The following SAMD12 variants were observed in gnomAD, a reference collection of about 807,000 sequenced individuals.
SAMD12 encodes sterile alpha motif domain-containing protein 12.
SAMD12 carries 9 observed loss-of-function variants against 15.0 expected under a neutral mutation model. The ratio of observed to expected loss-of-function variants is 0.60; its 90% CI spans 0.36 to 1.05. The LOEUF is 1.05. Among genes scored for constraint, SAMD12 ranks in the 50% least tolerant of loss-of-function variants. The pLI, the probability that SAMD12 is intolerant of heterozygous loss-of-function variation, is 0.01. For synonymous variants in SAMD12, 86 were observed against 90.1 expected (o/e 0.96, Z 0.25); for missense variants, 230 against 234.2 (o/e 0.98, Z 0.12).
intron 2 of SAMD12, among the ~76,000 whole-genome samples, chr8:118,507,991 C>CTTTTTTTT (rs11384671): frequency 2.2e-4 from 24 of 108,812 alleles, no homozygotes; most frequent in Non-Finnish European, 3.6e-4. Flanking sequence ...GTATAATCTC[C>CTTTTTTTT]TTTTTTTTTT....
intron 4 of SAMD12, among the ~76,000 whole-genome samples, chr8:118,337,046 A>G (rs2514941): frequency 0.43 from 64,810 of 151,908 alleles, 14,873 homozygotes; most frequent in East Asian, 0.66. Context: ...AGCATTAGGA[A>G]ATATACCTAA....
chr8:118,497,739 G>GGA (rs1824665092), intron 2 of SAMD12, among the ~76,000 whole-genome samples: 2 of 58,240 alleles, frequency 3.4e-5, no homozygotes, highest in Non-Finnish European at 6.2e-5. Flanking sequence ...GGGGTGGGGG[G>GGA]AAAGAAAAAA....
At chr8:118,158,727 A>G in the SAMD12 span, among the ~76,000 whole-genome samples, 1 of 152,138 alleles carries the variant, frequency 6.6e-6, no homozygotes, top group African/African-American at 2.4e-5. Context: ...TGGACCAATC[A>G]GCATGCACTT....
chr8:118,300,680 T>C (rs955712695), intron 4 of SAMD12, among the ~76,000 whole-genome samples: 8 of 152,314 alleles, frequency 5.3e-5, no homozygotes, highest in Admixed American at 5.2e-4. Context: ...CAATCAGTGT[T>C]CCAACAAGCC....
the SAMD12 span, among the ~76,000 whole-genome samples, chr8:118,138,216 G>A: frequency 7.4e-4 from 111 of 149,124 alleles, no homozygotes; most frequent in African/African-American, 2.6e-3. Flanking sequence ...TGAGTGACTC[G>A]AAGCGGGCTG....
chr8:118,164,882 C>G, the SAMD12 span, among the ~76,000 whole-genome samples: 51 of 151,498 alleles, frequency 3.4e-4, no homozygotes, highest in Non-Finnish European at 6.6e-4. Flanking sequence ...TATATGCATT[C>G]CACATATGCA....
At position 118,418,608 on chromosome 8, in the gene SAMD12, A is replaced by T. The variant is rs149521752; in HGVS notation, c.322+21224T>A. The stretch of plus-strand genomic sequence containing the variant: ...GTGGCGGGCGCCTGTGGTCCCAGCT[A>T]CTCGGGAGGCTGAGGCAGGAGAATG... On this transcript the variant is annotated intron_variant, in intron 3 of 3. Transcript: ENST00000314727. 6.7e-3 allele frequency among the ~76,000 whole-genome samples: 1,025 copies of T among 152,040 alleles called. 8 individuals are homozygous for T. Among genetic ancestry groups the T allele is most frequent in the South Asian group, 0.025 (122 of 4,814 alleles).
chr8:118,587,982 A>G (rs1827493913), intron 1 of SAMD12, among the ~76,000 whole-genome samples: 1 of 152,202 alleles, frequency 6.6e-6, no homozygotes, highest in African/African-American at 2.4e-5. Flanking sequence ...ATTATGACTT[A>G]GAAAGCTGAA....
At chr8:118,613,798 T>C (rs1828166012) in intron 1 of SAMD12, among the ~76,000 whole-genome samples, 1 of 152,214 alleles carries the variant, frequency 6.6e-6, no homozygotes, top group African/African-American at 2.4e-5. Flanking sequence ...TTACTTTGCA[T>C]ACATATTGTA....
At chr8:118,461,580 A>G (rs558099742) in intron 2 of SAMD12, among the ~76,000 whole-genome samples, 1 of 152,212 alleles carries the variant, frequency 6.6e-6, no homozygotes, top group African/African-American at 2.4e-5. Context: ...ACGTATGTAC[A>G]TACGTAAAAT....
chr8:118,226,524 A>T (rs1812191777), intron 4 of SAMD12, among the ~76,000 whole-genome samples: 1 of 152,200 alleles, frequency 6.6e-6, no homozygotes, highest in Non-Finnish European at 1.5e-5. Flanking sequence ...ACTTCTGTCC[A>T]TCTGACTATC....
chr8:118,207,802 A>C (rs1352032412), intron 4 of SAMD12, among the ~76,000 whole-genome samples: 1 of 152,184 alleles, frequency 6.6e-6, no homozygotes, highest in East Asian at 1.9e-4. Context: ...CTGCATTGGA[A>C]CAATGTTCTC....
intron 2 of SAMD12, among the ~76,000 whole-genome samples, chr8:118,568,251 G>A (rs1009220036): frequency 6.6e-6 from 1 of 152,140 alleles, no homozygotes; most frequent in Non-Finnish European, 1.5e-5. Flanking sequence ...GCATCCCAAG[G>A]AAAGAAGATT....
intron 4 of SAMD12, among the ~76,000 whole-genome samples, chr8:118,334,716 C>T (rs778742782): frequency 1.1e-4 from 16 of 152,148 alleles, no homozygotes; most frequent in Non-Finnish European, 2.2e-4. Context: ...CCACCTCAGC[C>T]TCCAGAATAG....
At chr8:118,589,586 T>A (rs1219301517) in intron 1 of SAMD12, among the ~76,000 whole-genome samples, 1 of 152,226 alleles carries the variant, frequency 6.6e-6, no homozygotes, top group Non-Finnish European at 1.5e-5. Context: ...AAGGCATGAA[T>A]ATTAACTCTT....
chr8:118,241,237 T>A (rs1343800908), intron 4 of SAMD12, among the ~76,000 whole-genome samples: 1 of 152,184 alleles, frequency 6.6e-6, no homozygotes, highest in Non-Finnish European at 1.5e-5. Flanking sequence ...GTTTCTGTTC[T>A]TCTTGGCCCA....
intron 2 of SAMD12, among the ~76,000 whole-genome samples, chr8:118,494,219 A>G (rs1824534332): frequency 6.6e-6 from 1 of 152,332 alleles, no homozygotes; most frequent in South Asian, 2.1e-4. Flanking sequence ...GAGACAAAGC[A>G]GTCAATTTTT....
At chr8:118,482,647 T>C (rs2130993446) in intron 2 of SAMD12, among the ~76,000 whole-genome samples, 1 of 152,264 alleles carries the variant, frequency 6.6e-6, no homozygotes, top group African/African-American at 2.4e-5. Context: ...ACTATGCAAT[T>C]TTATATGAGG....
intron 2 of SAMD12, among the ~76,000 whole-genome samples, chr8:118,481,448 G>C (rs1478228176): frequency 6.6e-6 from 1 of 152,190 alleles, no homozygotes; most frequent in Non-Finnish European, 1.5e-5. Context: ...CTGGTAGGAA[G>C]AAGGAAAAGA....
Sources: allele counts gnomAD v4.1 joint callset (sites outside exome capture counted in the v4.1 genomes callset), GRCh38; gene constraint gnomAD v4.1.1; transcripts MANE v1.5; gene names NCBI Gene and HGNC (gene_info 2026-07-23, HGNC 2026-07-21).